ABCB11: variants seen among roughly 807,000 people sequenced by gnomAD.
ABCB11 encodes the protein ATP binding cassette subfamily B member 11, also known as bile salt export pump.
In ABCB11, 95 loss-of-function variants were observed where a neutral mutation model predicts 148.0. The observed-to-expected ratio is 0.64, with a 90% CI of 0.54 to 0.76. ABCB11 has a LOEUF of 0.76. Ranked by LOEUF, ABCB11 falls within the 30% of genes least tolerant of loss-of-function variation. ABCB11 has a pLI of 0.00. For missense variants in ABCB11, 1,523 were observed against 1,617.8 expected (o/e 0.94, Z 1.01); for synonymous variants, 591 against 555.4 (o/e 1.06, Z -0.90).
chr2:168,992,014 A>T lies in ABCB11; in HGVS notation c.784-1089T>A, dbSNP rs867581765. The stretch of plus-strand genomic sequence containing the variant: ...CACCATGCCTGGCTATTTAAAAAAA[A>T]TTTTTTTTTTTTTTTTTGTAGAGAT... On this transcript the variant is annotated intron_variant, in intron 8 of 27. Transcript: ENST00000650372. 6.8e-3 allele frequency among the ~76,000 whole-genome samples: 955 copies of T among 140,338 alleles called. 3 individuals are homozygous for T. Among genetic ancestry groups the T allele is most frequent in the Non-Finnish European group, 9.9e-3 (633 of 63,736 alleles). 92.1% of individuals were successfully genotyped at this position (140,338 alleles called of 152,430 possible). A position where few individuals can be genotyped will look rare whatever the true frequency, so the allele number is the denominator to read the frequency against.
intron 5 of ABCB11, among the ~76,000 whole-genome samples, chr2:169,001,043 C>T (rs1009950364): frequency 2.6e-5 from 4 of 152,230 alleles, no homozygotes; most frequent in East Asian, 1.9e-4. Flanking sequence ...TCACTTTTCA[C>T]AGTCTACTAG....
chr2:168,935,186 G>C lies in ABCB11; in HGVS notation c.3054C>G (p.Phe1018Leu), dbSNP rs756140872. Residue 1018 changes from phenylalanine to leucine, a missense_variant and splice_region_variant, in exon 23 of 28, where the codon TTC (phenylalanine) becomes TTG (leucine). Coordinates refer to ENST00000650372, the MANE Select transcript of ABCB11 (RefSeq NM_003742.4). ...SNEGLHFSYV[F>L]RVISAVVLSA... ...CACCTTGGCTAGATATTCCTCACCT[G>C]AACACATAGCTGAAATGGAGCCCCT... The C allele has an allele frequency of 3.1e-6, 5 of 1,613,834 alleles. No individual in the cohort carries two copies. Among genetic ancestry groups the C allele is most frequent in the Non-Finnish European group, 4.2e-6 (5 of 1,179,868 alleles).
intron 23 of ABCB11, among the ~76,000 whole-genome samples, chr2:168,933,473 G>C (rs1434760636): frequency 6.6e-6 from 1 of 152,174 alleles, no homozygotes; most frequent in Non-Finnish European, 1.5e-5. Flanking sequence ...ATTATGATGT[G>C]AGTAGTAGCC....
chr2:168,965,576 A>T (rs1693276902), intron 17 of ABCB11, among the ~76,000 whole-genome samples: 1 of 151,774 alleles, frequency 6.6e-6, no homozygotes, highest in Non-Finnish European at 1.5e-5. Context: ...TCTAAAGGTA[A>T]ATCCAAGTTG....
At chr2:169,005,322 C>A (rs1237895319) in intron 5 of ABCB11, among the ~76,000 whole-genome samples, 1 of 152,000 alleles carries the variant, frequency 6.6e-6, no homozygotes, top group African/African-American at 2.4e-5. Flanking sequence ...CATGTAGGGG[C>A]AGGGATAGGC....
intron 14 of ABCB11, among the ~76,000 whole-genome samples, chr2:168,971,267 T>G (rs114968346): frequency 1.1e-3 from 165 of 152,166 alleles, no homozygotes; most frequent in African/African-American, 3.7e-3. Flanking sequence ...GTGCCTGGTA[T>G]GTAGTAAGAA....
At chr2:168,973,429 A>G (rs1395324639) in intron 13 of ABCB11, among the ~76,000 whole-genome samples, 1 of 152,028 alleles carries the variant, frequency 6.6e-6, no homozygotes, top group African/African-American at 2.4e-5. Context: ...AATCTTATGG[A>G]ACCACCATCA....
At chr2:168,987,447 G>A (rs1182359917) in intron 9 of ABCB11, among the ~76,000 whole-genome samples, 1 of 151,938 alleles carries the variant, frequency 6.6e-6, no homozygotes, top group Non-Finnish European at 1.5e-5. Flanking sequence ...TTTGTTTTTT[G>A]AGACAGGGTC....
At chr2:168,923,942 G>C in intron 27 of ABCB11, 120 bp from the exon 28 acceptor site, 5 of 883,940 alleles carry the variant, frequency 5.7e-6, no homozygotes, top group Non-Finnish European at 8.9e-6. Flanking sequence ...AAACCCAAAG[G>C]CTCAACATAA....
chr2:169,023,984 A>G (rs1695615355), intron 1 of ABCB11, among the ~76,000 whole-genome samples: 1 of 152,048 alleles, frequency 6.6e-6, no homozygotes, highest in Non-Finnish European at 1.5e-5. Context: ...GCTTTAAAAT[A>G]TTTCATGATA....
downstream of ABCB11, among the ~76,000 whole-genome samples, chr2:168,917,110 C>T (rs1690955102): frequency 6.6e-6 from 1 of 152,012 alleles, no homozygotes; most frequent in African/African-American, 2.4e-5. Context: ...ACGGGGGCAG[C>T]ACCAAATTCA....
At chr2:169,022,039 T>G (rs1254988488) in intron 1 of ABCB11, among the ~76,000 whole-genome samples, 1 of 151,986 alleles carries the variant, frequency 6.6e-6, no homozygotes, top group East Asian at 1.9e-4. Flanking sequence ...AAAATACATA[T>G]GCAGATAAAT....
At chr2:168,976,191 T>G (rs1157041148) in intron 12 of ABCB11, among the ~76,000 whole-genome samples, 2 of 152,174 alleles carry the variant, frequency 1.3e-5, no homozygotes, top group African/African-American at 2.4e-5. Flanking sequence ...CTATACTCAG[T>G]GTCTTCCACT....
exon 3 of ABCB11, among the ~76,000 whole-genome samples, chr2:168,915,557 A>T (rs1323662206): frequency 6.6e-6 from 1 of 152,336 alleles, no homozygotes; most frequent in East Asian, 1.9e-4. Flanking sequence ...CTGTAACAAG[A>T]TGGGTGAAGG....
chr2:169,027,651 G>A (rs1051591512), intron 1 of ABCB11, among the ~76,000 whole-genome samples: 1 of 152,130 alleles, frequency 6.6e-6, no homozygotes, highest in Admixed American at 6.5e-5. Context: ...TTAAAAATGG[G>A]CCTGAATGAG....
chr2:168,992,626 T>C (rs1037612195), intron 8 of ABCB11, among the ~76,000 whole-genome samples: 1 of 152,074 alleles, frequency 6.6e-6, no homozygotes, highest in African/African-American at 2.4e-5. Flanking sequence ...TGAATCATCA[T>C]AATGTTTTTG....
rs1221277359 is a variant in ABCB11, at chr2:168,921,655, G to A, written c.*1967C>T. ...CTCCAGCTGCCCTATTGTTGCTTTTGCTTTATATGTTAAAATACTTCCTCA... is the reference window on the plus strand; with the variant it reads ...CTCCAGCTGCCCTATTGTTGCTTTTACTTTATATGTTAAAATACTTCCTCA... On this transcript the variant is annotated 3_prime_UTR_variant, in exon 28 of 28. Coordinates refer to ENST00000650372, the MANE Select transcript of ABCB11 (RefSeq NM_003742.4). Among the ~76,000 whole-genome samples the A allele has an allele frequency of 4.0e-5, 6 of 151,804 alleles. No homozygotes were observed. Among genetic ancestry groups the A allele is most frequent in the African/African-American group, 1.5e-4 (6 of 41,288 alleles).
chr2:169,017,012 A>G (rs1364883369), intron 2 of ABCB11, among the ~76,000 whole-genome samples: 1 of 149,254 alleles, frequency 6.7e-6, no homozygotes, highest in Non-Finnish European at 1.5e-5. Context: ...ACACACACAC[A>G]CACACACACA....
intron 5 of ABCB11, among the ~76,000 whole-genome samples, chr2:169,011,422 C>G (rs1440302724): frequency 6.6e-6 from 1 of 152,152 alleles, no homozygotes; most frequent in Non-Finnish European, 1.5e-5. Context: ...TGAACTCAAT[C>G]TCTCTTTTAT....
Sources: allele counts gnomAD v4.1 joint callset (sites outside exome capture counted in the v4.1 genomes callset), GRCh38; gene constraint gnomAD v4.1.1; transcripts MANE v1.5; gene names NCBI Gene and HGNC (gene_info 2026-07-23, HGNC 2026-07-21).